CDH6: variants seen among roughly 807,000 people sequenced by gnomAD.
CDH6 encodes the protein cadherin 6.
CDH6 carries 31 observed loss-of-function variants against 78.0 expected under a neutral mutation model. The ratio of observed to expected loss-of-function variants is 0.40; its 90% CI spans 0.30 to 0.54. The LOEUF is 0.54. Ranked by LOEUF, CDH6 falls within the 20% of genes least tolerant of loss-of-function variation. The pLI is 0.56. For missense variants in CDH6, 724 were observed against 975.9 expected, an observed-to-expected ratio of 0.74 and a Z score of 3.44; for synonymous variants, 376 against 368.8, an observed-to-expected ratio of 1.02 and a Z score of -0.23.
In CDH6 at chr5:31,267,604, G is replaced by A; in HGVS notation, c.131G>A (p.Ser44Asn). 1 of 1,614,148 alleles carries A rather than the reference G, an allele frequency of 6.2e-7. No homozygotes were observed. The highest frequency in any genetic ancestry group is 1.1e-5 in the South Asian group (1 of 91,070). The change falls in exon 2 of 12, where the codon AGC (serine) becomes AAC (asparagine). Residue 44 changes from serine to asparagine, a missense_variant. Physicochemically the swap from Ser to Asn is conservative, Grantham distance 46. Around this residue, in one of 3 missense-constraint regions of CDH6, gnomAD observed 58 missense variants for 50.8 expected, o/e 1.14. Transcript: ENST00000265071. ...KKRALELSGN[S>N]KNELNRSKRS... ...AGGGCCCTGGAGCTCTCTGGAAACA[G>A]CAAAAATGAGCTGAACCGTTCAAAA...
intron 4 of CDH6, among the ~76,000 whole-genome samples, chr5:31,298,302 C>T (rs1174864071): frequency 6.6e-6 from 1 of 152,060 alleles, no homozygotes; most frequent in African/African-American, 2.4e-5. Flanking sequence ...TCAAAACTTC[C>T]CTAGGTTCCC....
At chr5:31,214,047 G>A (rs1387605864) in intron 1 of CDH6, among the ~76,000 whole-genome samples, 2 of 151,364 alleles carry the variant, frequency 1.3e-5, no homozygotes, top group South Asian at 2.1e-4. Flanking sequence ...GCTCTGGAAC[G>A]TCACAACTGG....
intron 2 of CDH6, among the ~76,000 whole-genome samples, chr5:31,287,846 C>T (rs577796137): frequency 6.6e-6 from 1 of 152,192 alleles, no homozygotes; most frequent in Non-Finnish European, 1.5e-5. Flanking sequence ...GTCCAGGGAC[C>T]GCACTTTGAG....
chr5:31,302,832 GAA>G (rs1289566868), intron 6 of CDH6, among the ~76,000 whole-genome samples: 3 of 136,814 alleles, frequency 2.2e-5, no homozygotes, highest in African/African-American at 8.1e-5. Context: ...AAGAAAGAAA[GAA>G]AGAAAGAAAG....
intron 7 of CDH6, among the ~76,000 whole-genome samples, chr5:31,312,087 C>T (rs944292654): frequency 2.6e-5 from 4 of 152,194 alleles, no homozygotes; most frequent in African/African-American, 9.6e-5. Flanking sequence ...ACTGTGGTCT[C>T]CCACTGATTT....
At chr5:31,287,304 G>A (rs1743038045) in intron 2 of CDH6, among the ~76,000 whole-genome samples, 2 of 152,176 alleles carry the variant, frequency 1.3e-5, no homozygotes. Context: ...TATTAGGACT[G>A]AATGGAGACT....
chr5:31,288,176 A>T lies in CDH6; in HGVS notation c.229-5786A>T, dbSNP rs542988215. Among the ~76,000 whole-genome samples, 17 of 152,340 alleles carry T rather than the reference A, an allele frequency of 1.1e-4. No individual in the cohort carries two copies. In the South Asian group the frequency reaches 3.5e-3, roughly 32 times the overall value. ...ACCCTTTACATTCACACATATTACA[A>T]TGTGAAAACTGAATCACAGGGCTGA... is the stretch of plus-strand genomic sequence containing the variant. On this transcript the variant is annotated intron_variant, in intron 2 of 11. Transcript: ENST00000265071.
chr5:31,325,216 G>A lies in CDH6; in HGVS notation c.*1908G>A, dbSNP rs574217615. The A allele has an allele frequency of 8.8e-6, 2 of 228,550 alleles. No individual in the cohort carries two copies. The highest frequency in any genetic ancestry group is 4.4e-5 in the African/African-American group (2 of 45,186). 14.2% of individuals were successfully genotyped at this position (228,550 alleles called of 1,614,324 possible). A position where few individuals can be genotyped will look rare whatever the true frequency, so the allele number is the denominator to read the frequency against. On this transcript the variant is annotated 3_prime_UTR_variant, in exon 12 of 12. Transcript: ENST00000265071. ...TATTATTCCTTGTGTCTTCTGAATG[G>A]TTTCCGATTTTATAATGGACTGCCC...
intron 3 of CDH6, among the ~76,000 whole-genome samples, chr5:31,296,706 A>T (rs989432439): frequency 6.6e-6 from 1 of 152,158 alleles, no homozygotes; most frequent in Non-Finnish European, 1.5e-5. Context: ...TTGTCACATT[A>T]CTTAAGTCCA....
chr5:31,301,445 T>A (rs555407579), intron 5 of CDH6, among the ~76,000 whole-genome samples: 44 of 152,286 alleles, frequency 2.9e-4, no homozygotes, highest in Admixed American at 1.4e-3. Flanking sequence ...ATATTTTTTT[T>A]AAAAAGTGTC....
intron 2 of CDH6, among the ~76,000 whole-genome samples, chr5:31,278,829 C>T (rs758467217): frequency 5.9e-5 from 9 of 152,102 alleles, no homozygotes; most frequent in Admixed American, 2.0e-4. Flanking sequence ...CTTTCTACTA[C>T]TTATGAGTAC....
At chr5:31,211,808 C>A (rs1413742319) in intron 1 of CDH6, among the ~76,000 whole-genome samples, 1 of 152,134 alleles carries the variant, frequency 6.6e-6, no homozygotes, top group African/African-American at 2.4e-5. Flanking sequence ...GGTGTGAGTT[C>A]ACCTCTCTGC....
At chr5:31,218,189 TTATAA>T (rs1740917592) in intron 1 of CDH6, among the ~76,000 whole-genome samples, 2 of 152,156 alleles carry the variant, frequency 1.3e-5, no homozygotes, top group South Asian at 2.1e-4. Context: ...TTAAGCTTAA[TTATAA>T]TATATTATCC....
chr5:31,252,028 G>A (rs1344254910), intron 1 of CDH6, among the ~76,000 whole-genome samples: 2 of 152,026 alleles, frequency 1.3e-5, no homozygotes, highest in African/African-American at 4.8e-5. Flanking sequence ...AAAATTCTGG[G>A]ACAAAAATTG....
In CDH6 at chr5:31,323,435, G is replaced by T. The variant is rs1356523055; in HGVS notation, c.*127G>T. ...TTCCAAAAGCCAATGGCTGCAGTCC[G>T]TGTGGATCCAATGTTAGAGACTTTT... On this transcript the variant is annotated 3_prime_UTR_variant, in exon 12 of 12. Coordinates refer to ENST00000265071, the MANE Select transcript of CDH6 (RefSeq NM_004932.4). The T allele has an allele frequency of 2.7e-6, 3 of 1,093,724 alleles. No homozygotes were observed. Among genetic ancestry groups the T allele is most frequent in the Admixed American group, 4.8e-5 (2 of 41,788 alleles). The allele number at this position is 1,093,724 out of a possible 1,614,324, so 67.8% of individuals were successfully genotyped here. A position where few individuals can be genotyped will look rare whatever the true frequency, so the allele number is the denominator to read the frequency against.
chr5:31,312,945 GCACA>G (rs3028834), intron 7 of CDH6, among the ~76,000 whole-genome samples: 3 of 149,298 alleles, frequency 2.0e-5, no homozygotes, highest in South Asian at 2.1e-4. Context: ...ATGCATACAA[GCACA>G]CACACACACA....
chr5:31,313,571 G>C (rs1738215868), intron 8 of CDH6, 117 bp downstream of exon 8: 1 of 983,152 alleles, frequency 1.0e-6, no homozygotes, highest in Non-Finnish European at 1.5e-6. Flanking sequence ...ATATATTGAG[G>C]GAAAAAGCCC....
At chr5:31,208,538 G>C (rs921361697) in intron 1 of CDH6, among the ~76,000 whole-genome samples, 10 of 152,196 alleles carry the variant, frequency 6.6e-5, no homozygotes, top group African/African-American at 2.4e-4. Context: ...TTATAGGGAA[G>C]TTGACATTTT....
In CDH6 at chr5:31,323,262, A is replaced by C. The variant is rs369619521; in HGVS notation, c.2327A>C (p.Lys776Thr). Reference sequence around the variant, plus strand: ...AGTGACTGGGGACCTCGATTCAAAAAGCTTGCAGATATGTATGGAGGAGTG... The same window carrying C: ...AGTGACTGGGGACCTCGATTCAAAACGCTTGCAGATATGTATGGAGGAGTG... ...YLSDWGPRFK[K>T]LADMYGGVDS... Residue 776 changes from lysine (K) to threonine (T), a missense_variant, in exon 12 of 12, where the codon AAG becomes ACG. Around this residue, in one of 3 missense-constraint regions of CDH6, gnomAD observed 220 missense variants for 240.6 expected, o/e 0.91. Transcript: ENST00000265071. 1.2e-6 allele frequency: 2 copies of C among 1,614,134 alleles called. No homozygotes were observed. Among genetic ancestry groups the C allele is most frequent in the Non-Finnish European group, 1.7e-6 (2 of 1,179,972 alleles).
Sources: gnomAD v4.1 joint callset for allele counts (sites outside exome capture counted in the v4.1 genomes callset) on GRCh38, gnomAD v4.1.1 for gene constraint, gnomAD v4.1.1 regional missense constraint, MANE v1.5 for transcripts, NCBI Gene and HGNC (gene_info 2026-07-23, HGNC 2026-07-21) for gene names.